Variants in ADAM12 observed in about 807,000 individuals in gnomAD.
The protein encoded by ADAM12 is disintegrin and metalloproteinase domain-containing protein 12.
A neutral mutation model predicts 106.4 loss-of-function variants in ADAM12; 70 were observed. That is an observed-to-expected ratio of 0.66 (90% CI 0.54 to 0.80). The LOEUF (loss-of-function observed/expected upper bound fraction) is 0.80. ADAM12 is among the 30% of genes least tolerant of loss of function. The probability of loss-of-function intolerance (pLI) is 0.00; values close to 1 mark genes in which losing one functional copy is unlikely to be tolerated. For missense variants in ADAM12, 1,010 were observed against 1,171.9 expected (o/e 0.86, Z 2.02); for synonymous variants, 420 against 433.5 (o/e 0.97, Z 0.39).
intron 3 of ADAM12, among the ~76,000 whole-genome samples, chr10:126,162,100 A>C (rs1275258043): frequency 6.6e-6 from 1 of 152,172 alleles, no homozygotes; most frequent in African/African-American, 2.4e-5. Context: ...AATGGGAATA[A>C]GATGCTCCAG....
chr10:126,132,409 T>C (rs1278325), intron 5 of ADAM12, among the ~76,000 whole-genome samples: 95,927 of 151,936 alleles, frequency 0.63, 30,522 homozygotes, highest in East Asian at 0.73. Flanking sequence ...AAAGTGTGGA[T>C]TTCCCTTTCC....
intron 14 of ADAM12, among the ~76,000 whole-genome samples, chr10:126,050,304 C>A (rs568378581): frequency 6.6e-6 from 1 of 152,290 alleles, no homozygotes; most frequent in Non-Finnish European, 1.5e-5. Context: ...GTCATGGCAG[C>A]CAGAGAGCTC....
chr10:126,141,699 A>T (rs1388568752), intron 4 of ADAM12, among the ~76,000 whole-genome samples: 1 of 152,236 alleles, frequency 6.6e-6, no homozygotes, highest in South Asian at 2.1e-4. Context: ...GTGGACTAGA[A>T]GGAAAGGCAT....
At chr10:126,157,305 TCTC>T (rs980778827) in intron 3 of ADAM12, among the ~76,000 whole-genome samples, 4 of 152,278 alleles carry the variant, frequency 2.6e-5, no homozygotes, top group South Asian at 2.1e-4. Flanking sequence ...CTGCTCCGCC[TCTC>T]CTCCTCCTCA....
chr10:126,189,964 C>T (rs753772441), intron 3 of ADAM12, among the ~76,000 whole-genome samples: 7 of 152,070 alleles, frequency 4.6e-5, no homozygotes, highest in African/African-American at 1.7e-4. Context: ...ATCCTGTAGA[C>T]GTTTGTCTCT....
chr10:126,087,765 C>T (rs1032972181), intron 11 of ADAM12, among the ~76,000 whole-genome samples: 9 of 152,164 alleles, frequency 5.9e-5, no homozygotes, highest in Admixed American at 3.9e-4. Flanking sequence ...TGGACTTTCC[C>T]GCTACATTGA....
intron 3 of ADAM12, among the ~76,000 whole-genome samples, chr10:126,270,340 C>A (rs1959169408): frequency 6.6e-6 from 1 of 152,126 alleles, no homozygotes; most frequent in African/African-American, 2.4e-5. Flanking sequence ...GTGGGCGATG[C>A]ATCAGCTAAG....
At chr10:126,302,459 C>T (rs1398352473) in intron 2 of ADAM12, among the ~76,000 whole-genome samples, 3 of 151,998 alleles carry the variant, frequency 2.0e-5, no homozygotes, top group Non-Finnish European at 4.4e-5. Flanking sequence ...CAATGTGTTT[C>T]GGCAAAAACA....
intron 4 of ADAM12, among the ~76,000 whole-genome samples, chr10:126,138,302 CT>C (rs1326090505): frequency 5.3e-5 from 8 of 152,126 alleles, no homozygotes; most frequent in African/African-American, 1.7e-4. Flanking sequence ...GCACTAGACC[CT>C]TATTAGATAT....
chr10:126,071,947 T>C (rs536917262), intron 11 of ADAM12, among the ~76,000 whole-genome samples: 1 of 152,338 alleles, frequency 6.6e-6, no homozygotes, highest in East Asian at 1.9e-4. Flanking sequence ...CAGAGTCTCA[T>C]TAAAGACATT....
At chr10:126,329,888 A>G (rs1325909844) in intron 2 of ADAM12, among the ~76,000 whole-genome samples, 1 of 152,238 alleles carries the variant, frequency 6.6e-6, no homozygotes, top group Non-Finnish European at 1.5e-5. Flanking sequence ...ATGTCAGTTT[A>G]GCAGATAAAA....
chr10:126,099,954 ACTT>A (rs1378136326), intron 9 of ADAM12, among the ~76,000 whole-genome samples: 1 of 152,042 alleles, frequency 6.6e-6, no homozygotes, highest in Non-Finnish European at 1.5e-5. Context: ...AGAAACATCT[ACTT>A]CATACTAATT....
chr10:126,341,912 C>T (rs1415790364), intron 1 of ADAM12, among the ~76,000 whole-genome samples: 2 of 152,162 alleles, frequency 1.3e-5, no homozygotes, highest in Non-Finnish European at 2.9e-5. Context: ...TTTCATATCA[C>T]CATTTAGAAC....
At chr10:126,137,754 G>A (rs1221056368) in intron 4 of ADAM12, among the ~76,000 whole-genome samples, 1 of 152,206 alleles carries the variant, frequency 6.6e-6, no homozygotes, top group Non-Finnish European at 1.5e-5. Context: ...CTTCTGCCTT[G>A]TGGATGAAAA....
At position 126,098,414 on chromosome 10, in the gene ADAM12, A is replaced by G; in HGVS notation, c.996+2T>C. 6.2e-7 allele frequency: 1 copy of G among 1,613,600 alleles called. No individual in the cohort carries two copies. The highest frequency in any genetic ancestry group is 8.5e-7 in the Non-Finnish European group (1 of 1,179,534). The stretch of plus-strand genomic sequence containing the variant: ...AACCAGCTCCCAATGCCCTTGGCTT[A>G]CCATGACAATTCCCCCAGACTGGTC... On this transcript the variant is annotated splice_donor_variant, in intron 10 of 22. Transcript: ENST00000448723. LOFTEE classifies it high-confidence loss of function.
At chr10:126,348,401 G>C (rs1485471222) in intron 1 of ADAM12, among the ~76,000 whole-genome samples, 6 of 152,142 alleles carry the variant, frequency 3.9e-5, no homozygotes, top group African/African-American at 1.4e-4. Flanking sequence ...GTGGGAGGAT[G>C]GGGGAGGGAA....
chr10:126,017,158 C>G lies in ADAM12; in HGVS notation c.*121G>C. ...GCACTGACGGCAGTAGCTCAAAGTTCTTATAGTAATGATGTTTTAAACATT... is the reference window on the plus strand; with the variant it reads ...GCACTGACGGCAGTAGCTCAAAGTTGTTATAGTAATGATGTTTTAAACATT... On this transcript the variant is annotated 3_prime_UTR_variant, in exon 23 of 23. Transcript: ENST00000448723. 3.4e-6 allele frequency: 3 copies of G among 884,158 alleles called. No individual in the cohort carries two copies. The highest frequency in any genetic ancestry group is 5.2e-6 in the Non-Finnish European group (3 of 572,428). The allele number at this position is 884,158 out of a possible 1,614,324, so 54.8% of individuals were successfully genotyped here. A position where few individuals can be genotyped will look rare whatever the true frequency, so the allele number is the denominator to read the frequency against.
At chr10:126,052,666 G>T (rs1359542449) in intron 14 of ADAM12, among the ~76,000 whole-genome samples, 1 of 152,146 alleles carries the variant, frequency 6.6e-6, no homozygotes, top group Admixed American at 6.5e-5. Context: ...AAGAGAGGAA[G>T]GGGGAGAGAG....
chr10:126,100,054 GT>G (rs762588431), intron 9 of ADAM12, among the ~76,000 whole-genome samples: 7 of 151,922 alleles, frequency 4.6e-5, no homozygotes, highest in Non-Finnish European at 7.4e-5. Flanking sequence ...CTTTGCCTTA[GT>G]TTATCATCTT....
Sources: allele counts gnomAD v4.1 joint callset (sites outside exome capture counted in the v4.1 genomes callset), GRCh38; gene constraint gnomAD v4.1.1; transcripts MANE v1.5; gene names NCBI Gene and HGNC (gene_info 2026-07-23, HGNC 2026-07-21).